Variants in TRPC5 observed in about 807,000 individuals in gnomAD.
TRPC5 encodes short transient receptor potential channel 5.
Under a neutral mutation model 56.5 loss-of-function variants are expected in TRPC5, and 9 were observed. The observed-to-expected ratio is 0.16, with a 90% CI of 0.10 to 0.28. The LOEUF (loss-of-function observed/expected upper bound fraction) is 0.28, where lower values mean the gene tolerates loss of function less well. TRPC5 is among the 10% of genes least tolerant of loss of function. TRPC5 has a pLI of 1.00. For missense variants in TRPC5, 469 were observed against 748.9 expected (o/e 0.63, Z 4.36); for synonymous variants, 282 against 278.5 (o/e 1.01, Z -0.13).
rs779256809 is a variant in TRPC5, at chrX:111,781,996, GTGT to G, written c.2036_2038del (p.Asn679del). ...GTCAGGGTCTCTTTTGGGGCAGAAG[GTGT>G]TGTTGAACCAGTTACCAAGGTATAG... On this transcript the variant is annotated inframe_deletion, in exon 8 of 11. Coordinates refer to ENST00000262839, the MANE Select transcript of TRPC5 (RefSeq NM_012471.3). 5 of 1,210,960 alleles carry G rather than the reference GTGT, an allele frequency of 4.1e-6. No individual in the cohort carries two copies. The highest frequency in any genetic ancestry group is 1.8e-5 in the South Asian group (1 of 56,680).
At chrX:111,940,775 C>CT (rs199934647) in intron 2 of TRPC5, among the ~76,000 whole-genome samples, 7,555 of 110,192 alleles carry the variant, frequency 0.069, 203 homozygotes, top group African/African-American at 0.079. Context: ...AAGCACTGGG[C>CT]TTGAGATAAG....
intron 7 of TRPC5, among the ~76,000 whole-genome samples, chrX:111,798,008 CAT>C (rs1428023306): frequency 2.7e-5 from 3 of 110,739 alleles, no homozygotes; most frequent in Non-Finnish European, 3.8e-5. Context: ...TGAAATAACT[CAT>C]AGATGAACCG....
At chrX:111,816,999 T>C (rs992349036) in intron 7 of TRPC5, among the ~76,000 whole-genome samples, 10 of 112,158 alleles carry the variant, frequency 8.9e-5, no homozygotes, top group African/African-American at 3.2e-4. Flanking sequence ...TCTTGTGATA[T>C]CTCAGGTGGT....
intron 1 of TRPC5, among the ~76,000 whole-genome samples, chrX:112,029,309 G>A (rs1929519245): frequency 8.9e-6 from 1 of 112,090 alleles, no homozygotes; most frequent in Admixed American, 9.4e-5. Context: ...CCATGTTGTT[G>A]CAAATGGCAG....
chrX:112,004,091 T>C (rs1181236283), intron 1 of TRPC5, among the ~76,000 whole-genome samples: 1 of 112,343 alleles, frequency 8.9e-6, no homozygotes, highest in African/African-American at 3.2e-5. Context: ...TGAAGAAATG[T>C]AGCCTCAGGG....
chrX:111,805,514 G>A (rs112436843), intron 7 of TRPC5, among the ~76,000 whole-genome samples: 2,506 of 111,184 alleles, frequency 0.023, 66 homozygotes, highest in African/African-American at 0.078. Context: ...TGGGCAAAGG[G>A]CATGAAGAGT....
intron 1 of TRPC5, among the ~76,000 whole-genome samples, chrX:112,007,244 A>G (rs1338916170): frequency 1.8e-5 from 2 of 111,958 alleles, no homozygotes; most frequent in African/African-American, 3.3e-5. Flanking sequence ...AGCTAATCTG[A>G]AGGAGAAATT....
intron 7 of TRPC5, among the ~76,000 whole-genome samples, chrX:111,826,857 A>C: frequency 8.9e-6 from 1 of 111,940 alleles, no homozygotes; most frequent in Middle Eastern, 4.6e-3. Context: ...TCGTCCCCTC[A>C]GGATTATAAT....
At chrX:112,019,673 G>C (rs1439658399) in intron 1 of TRPC5, among the ~76,000 whole-genome samples, 5 of 111,911 alleles carry the variant, frequency 4.5e-5, no homozygotes, top group African/African-American at 1.6e-4. Context: ...CTGACCCCGT[G>C]ATCCGCCCAC....
At chrX:111,888,695 A>G (rs1227185807) in intron 3 of TRPC5, among the ~76,000 whole-genome samples, 1 of 92,902 alleles carries the variant, frequency 1.1e-5, no homozygotes, top group East Asian at 3.3e-4. Context: ...CTCTATCTCA[A>G]AAAAAAAAAA....
intron 3 of TRPC5, among the ~76,000 whole-genome samples, chrX:111,856,503 C>A (rs1923233373): frequency 9.4e-6 from 1 of 105,972 alleles, no homozygotes; most frequent in Non-Finnish European, 1.9e-5. Context: ...AGTGCCACTG[C>A]ACTCCAGCCT....
intron 6 of TRPC5, among the ~76,000 whole-genome samples, chrX:111,839,755 T>C (rs73546181): frequency 0.19 from 21,294 of 110,553 alleles, 4,926 homozygotes; most frequent in African/African-American, 0.66. Context: ...CTCACTCTGT[T>C]GTCCAGGCTG....
At chrX:111,805,211 G>A (rs1393365935) in intron 7 of TRPC5, among the ~76,000 whole-genome samples, 2 of 111,935 alleles carry the variant, frequency 1.8e-5, no homozygotes, top group East Asian at 2.8e-4. Context: ...CAACTTGATC[G>A]TGGTGGATAA....
intron 1 of TRPC5, among the ~76,000 whole-genome samples, chrX:112,010,157 GCTC>G (rs766820305): frequency 1.6e-3 from 181 of 111,652 alleles, no homozygotes; most frequent in African/African-American, 5.4e-3. Flanking sequence ...TTAAATCCCT[GCTC>G]CACAGTAGCT....
At position 111,996,345 on chromosome X, in the gene TRPC5, G is replaced by C. The variant is rs143827654; in HGVS notation, c.-21-43904C>G. ...CTAATTTGATTGCACTGTGGTCTGA[G>C]AGACAGTTTGTTGTGATTTCTGGTC... On this transcript the variant is annotated intron_variant, in intron 1 of 10. Coordinates refer to ENST00000262839, the MANE Select transcript of TRPC5 (RefSeq NM_012471.3). Among the ~76,000 whole-genome samples the C allele has an allele frequency of 6.9e-4, 77 of 112,281 alleles. No homozygotes were observed. The East Asian group carries it at 0.017, about 25-fold the overall frequency.
At chrX:112,057,632 AC>A (rs1166897366) in intron 1 of TRPC5, among the ~76,000 whole-genome samples, 1 of 111,329 alleles carries the variant, frequency 9.0e-6, no homozygotes, top group Non-Finnish European at 1.9e-5. Flanking sequence ...CTTCCCTTTT[AC>A]CCCATTCAAT....
chrX:112,008,142 TGAG>T (rs1928890137), intron 1 of TRPC5, among the ~76,000 whole-genome samples: 1 of 112,259 alleles, frequency 8.9e-6, no homozygotes, highest in South Asian at 3.7e-4. Context: ...TGGACATAAG[TGAG>T]GAGATTAGTG....
At chrX:111,828,713 A>G (rs1233106540) in intron 7 of TRPC5, among the ~76,000 whole-genome samples, 1 of 111,536 alleles carries the variant, frequency 9.0e-6, no homozygotes, top group Non-Finnish European at 1.9e-5. Flanking sequence ...GGAACTTCCT[A>G]AAGACTTGGA....
intron 1 of TRPC5, among the ~76,000 whole-genome samples, chrX:112,044,045 C>T (rs180712519): frequency 8.9e-6 from 1 of 111,792 alleles, no homozygotes; most frequent in African/African-American, 3.2e-5. Context: ...TTAAACACAT[C>T]TGAACATATT....
Sources: gnomAD v4.1 joint callset for allele counts (sites outside exome capture counted in the v4.1 genomes callset) on GRCh38, gnomAD v4.1.1 for gene constraint, MANE v1.5 for transcripts, NCBI Gene and HGNC (gene_info 2026-07-23, HGNC 2026-07-21) for gene names.